Variants in ROBO2 observed in about 807,000 individuals in gnomAD.
ROBO2 encodes roundabout guidance receptor 2.
A neutral mutation model predicts 160.8 loss-of-function variants in ROBO2; 53 were observed. That is an observed-to-expected ratio of 0.33 (90% confidence interval 0.26 to 0.41). The LOEUF is 0.41. ROBO2 is among the 10% of genes least tolerant of loss of function. The pLI is 1.00. For synonymous variants in ROBO2, 664 were observed against 611.7 expected (o/e 1.09, Z -1.26); for missense variants, 1,577 against 1,722.4 (o/e 0.92, Z 1.49).
intron 1 of ROBO2, among the ~76,000 whole-genome samples, chr3:77,083,968 G>A (rs901353959): frequency 2.6e-5 from 4 of 152,214 alleles, no homozygotes; most frequent in South Asian, 2.1e-4. Flanking sequence ...AACACCATGA[G>A]AGGGAATGAG....
chr3:76,554,356 A>G (rs2083587068), intron 2 of ROBO2, among the ~76,000 whole-genome samples: 1 of 152,206 alleles, frequency 6.6e-6, no homozygotes, highest in Admixed American at 6.5e-5. Flanking sequence ...CATGAAGTAC[A>G]GTAGGAACTT....
At chr3:77,619,954 C>T in intron 22 of ROBO2, among the ~76,000 whole-genome samples, 1 of 152,174 alleles carries the variant, frequency 6.6e-6, no homozygotes. Flanking sequence ...GTTAGAAAGG[C>T]CTAGGTTTTC....
chr3:76,219,775 C>G (rs1170926300), intron 2 of ROBO2, among the ~76,000 whole-genome samples: 2 of 152,204 alleles, frequency 1.3e-5, no homozygotes, highest in Non-Finnish European at 2.9e-5. Context: ...GTGGCAATTC[C>G]TCAGGGATCT....
chr3:76,375,140 G>A (rs1298052153), intron 2 of ROBO2, among the ~76,000 whole-genome samples: 8 of 151,876 alleles, frequency 5.3e-5, no homozygotes, highest in African/African-American at 1.9e-4. Context: ...TTCAGAATTA[G>A]ATTTCAGTAA....
intron 2 of ROBO2, among the ~76,000 whole-genome samples, chr3:76,926,395 C>T (rs539054433): frequency 1.3e-5 from 2 of 152,272 alleles, no homozygotes; most frequent in Non-Finnish European, 2.9e-5. Context: ...AAGGAAGGTG[C>T]CATACTTGAG....
At chr3:76,714,662 C>G (rs1049031363) in intron 2 of ROBO2, among the ~76,000 whole-genome samples, 1 of 152,150 alleles carries the variant, frequency 6.6e-6, no homozygotes, top group Non-Finnish European at 1.5e-5. Flanking sequence ...GTAGTCTTTG[C>G]TGGACTCAAC....
chr3:77,210,953 G>A (rs2084061553), intron 2 of ROBO2, among the ~76,000 whole-genome samples: 1 of 152,132 alleles, frequency 6.6e-6, no homozygotes, highest in Non-Finnish European at 1.5e-5. Context: ...ATTCCATGGT[G>A]TATATGTGCC....
intron 2 of ROBO2, among the ~76,000 whole-genome samples, chr3:77,426,735 A>AGGAAGG (rs2078252372): frequency 6.9e-6 from 1 of 145,562 alleles, no homozygotes; most frequent in Admixed American, 6.9e-5. Context: ...GAAGGAAGGA[A>AGGAAGG]AGTTTTTCTT....
In ROBO2 at chr3:77,144,088, T is replaced by C. The variant is rs377129564; in HGVS notation, c.388+45748T>C. 3.4e-4 allele frequency among the ~76,000 whole-genome samples: 52 copies of C among 152,342 alleles called. No individual in the cohort carries two copies. In the East Asian group the frequency reaches 9.4e-3, roughly 28 times the overall value. The stretch of plus-strand genomic sequence containing the variant: ...AGACAACCTTTCCTTTTGTAATTCC[T>C]ATCAGAAAATGCCTTTTCTGCACAG... On this transcript the variant is annotated intron_variant, in intron 2 of 25. Coordinates refer to ENST00000461745, the Ensembl canonical transcript of ROBO2.
intron 2 of ROBO2, among the ~76,000 whole-genome samples, chr3:76,645,781 G>C (rs2090936191): frequency 6.6e-6 from 1 of 152,144 alleles, no homozygotes; most frequent in South Asian, 2.1e-4. Flanking sequence ...AGAAATTCAG[G>C]AGAGAAAAGA....
intron 2 of ROBO2, among the ~76,000 whole-genome samples, chr3:77,386,603 A>ATTTTTTTTTTT (rs71104679): frequency 0.074 from 6,750 of 91,530 alleles, 1,086 homozygotes; most frequent in Non-Finnish European, 0.11. Context: ...CAGCCAGGTA[A>ATTTTTTTTTTT]TTTTTTTTTT....
intron 2 of ROBO2, among the ~76,000 whole-genome samples, chr3:76,202,181 C>T (rs1205968827): frequency 1.3e-5 from 2 of 152,144 alleles, no homozygotes; most frequent in Admixed American, 6.6e-5. Context: ...TTATGCTTCA[C>T]TTGGCAATGT....
chr3:76,348,032 C>G (rs2074634889), intron 2 of ROBO2, among the ~76,000 whole-genome samples: 1 of 152,140 alleles, frequency 6.6e-6, no homozygotes. Flanking sequence ...CAAACACTTG[C>G]ATCGTCTGCC....
At chr3:77,345,449 G>A (rs765159178) in intron 2 of ROBO2, among the ~76,000 whole-genome samples, 1 of 152,114 alleles carries the variant, frequency 6.6e-6, no homozygotes, top group Admixed American at 6.6e-5. Context: ...GAGATAATTG[G>A]TGGACATATT....
intron 2 of ROBO2, among the ~76,000 whole-genome samples, chr3:76,225,227 A>G (rs1053172545): frequency 6.6e-6 from 1 of 152,194 alleles, no homozygotes; most frequent in African/African-American, 2.4e-5. Context: ...ATTAAATTGA[A>G]TTCAAATTTT....
rs894843498 is a variant in ROBO2 at position 76,275,288 on chromosome 3, AT to A, written c.109+337694del. On this transcript the variant is annotated intron_variant, in intron 2 of 26. Coordinates refer to the ROBO2 transcript ENST00000487694. Reference sequence around the variant, plus strand: ...GAATTTAATATCAGATCAGTCTACAATTTTTTTTAATACTTTAAGTTTTAGG... The same window carrying A: ...GAATTTAATATCAGATCAGTCTACAATTTTTTTAATACTTTAAGTTTTAGG... Among the ~76,000 whole-genome samples, 18 of 152,104 alleles carry A rather than the reference AT, an allele frequency of 1.2e-4. No individual in the cohort carries two copies. The East Asian group carries it at 2.9e-3, about 25-fold the overall frequency.
At chr3:77,201,004 G>T (rs1232392121) in intron 2 of ROBO2, among the ~76,000 whole-genome samples, 1 of 152,146 alleles carries the variant, frequency 6.6e-6, no homozygotes, top group Admixed American at 6.5e-5. Context: ...CTCTGTCATT[G>T]CTCCTGTTCT....
At chr3:76,199,800 C>T (rs558429121) in intron 2 of ROBO2, among the ~76,000 whole-genome samples, 14 of 152,250 alleles carry the variant, frequency 9.2e-5, no homozygotes, top group Admixed American at 3.9e-4. Context: ...TGCCCCACTT[C>T]GACTTTGACT....
intron 2 of ROBO2, among the ~76,000 whole-genome samples, chr3:76,222,316 T>G (rs930278485): frequency 6.6e-6 from 1 of 151,986 alleles, no homozygotes; most frequent in Non-Finnish European, 1.5e-5. Context: ...CAGGAGTGAA[T>G]GTTTATTTAA....
Sources: allele counts gnomAD v4.1 joint callset (sites outside exome capture counted in the v4.1 genomes callset), GRCh38; gene constraint gnomAD v4.1.1; transcripts MANE v1.5; gene names NCBI Gene and HGNC (gene_info 2026-07-23, HGNC 2026-07-21).